Variants in AGO2 observed in about 807,000 individuals in gnomAD.
AGO2 encodes the protein protein argonaute-2.
A neutral mutation model predicts 102.3 loss-of-function variants in AGO2; 5 were observed. The observed-to-expected ratio is 0.05, with a 90% CI of 0.03 to 0.10. AGO2 has a LOEUF of 0.10. Among genes scored for constraint, AGO2 ranks in the 10% least tolerant of loss-of-function variants. The pLI, the probability that AGO2 is intolerant of heterozygous loss-of-function variation, is 1.00. For synonymous variants in AGO2, 449 were observed against 473.1 expected, an observed-to-expected ratio of 0.95 and a Z score of 0.66; for missense variants, 541 against 1,183.7, an observed-to-expected ratio of 0.46 and a Z score of 7.97.
At position 140,531,782 on chromosome 8, in the gene AGO2, C is replaced by T. The variant is rs2944776; in HGVS notation, c.*262G>A. On this transcript the variant is annotated 3_prime_UTR_variant, in exon 19 of 19. Transcript: ENST00000220592. ...GGTTTTAGGAGATTTTTAGGACACA[C>T]GGGACTCTGTTTTAATAAGCAGCTT... 23,431 of 355,184 alleles carry T rather than the reference C, an allele frequency of 0.066. 1,060 individuals are homozygous for T. Among genetic ancestry groups the T allele is most frequent in the African/African-American group, 0.15 (7,145 of 48,236 alleles). The allele number at this position is 355,184 out of a possible 1,614,324, so 22.0% of individuals were successfully genotyped here. A position where few individuals can be genotyped will look rare whatever the true frequency, so the allele number is the denominator to read the frequency against.
At chr8:140,614,730 C>A (rs967887268) in intron 1 of AGO2, among the ~76,000 whole-genome samples, 1 of 152,194 alleles carries the variant, frequency 6.6e-6, no homozygotes, top group Non-Finnish European at 1.5e-5. Context: ...GCTGCGTGAC[C>A]TGAACCCCTC....
intron 1 of AGO2, among the ~76,000 whole-genome samples, chr8:140,630,611 T>G (rs1200389530): frequency 6.6e-6 from 1 of 152,204 alleles, no homozygotes; most frequent in Non-Finnish European, 1.5e-5. Context: ...AGCACAGAGC[T>G]GGCCACAAAC....
chr8:140,566,990 G>A (rs1029359037), intron 3 of AGO2, among the ~76,000 whole-genome samples: 17 of 152,234 alleles, frequency 1.1e-4, no homozygotes, highest in Non-Finnish European at 1.9e-4. Context: ...CTTTAGGCCC[G>A]AGTACATCTG....
intron 1 of AGO2, among the ~76,000 whole-genome samples, chr8:140,624,568 C>A (rs548501956): frequency 6.6e-6 from 1 of 152,378 alleles, no homozygotes; most frequent in East Asian, 1.9e-4. Flanking sequence ...GAGCAGCCAG[C>A]GTCCCCAACT....
chr8:140,586,867 G>C (rs544405274), intron 1 of AGO2, among the ~76,000 whole-genome samples: 1 of 152,312 alleles, frequency 6.6e-6, no homozygotes, highest in African/African-American at 2.4e-5. Context: ...CTCGATTTCA[G>C]GGTCGGGCAC....
intron 8 of AGO2, 100 bp from the exon 9 acceptor site, chr8:140,556,386 C>T: frequency 6.7e-7 from 1 of 1,482,472 alleles, no homozygotes; most frequent in African/African-American, 1.4e-5. Context: ...CTGCTTGGGA[C>T]CGTCTCTGCC....
At chr8:140,546,049 C>T (rs2072894222) in intron 13 of AGO2, among the ~76,000 whole-genome samples, 1 of 152,244 alleles carries the variant, frequency 6.6e-6, no homozygotes, top group South Asian at 2.1e-4. Context: ...CGGCCCGGTG[C>T]TGCCCACTTA....
intron 1 of AGO2, among the ~76,000 whole-genome samples, chr8:140,627,230 G>A (rs1285175228): frequency 6.6e-6 from 1 of 152,216 alleles, no homozygotes; most frequent in Admixed American, 6.5e-5. Flanking sequence ...ACAGGGCAAA[G>A]CACCCTCGAG....
At chr8:140,578,821 G>T (rs1789580519) in intron 2 of AGO2, among the ~76,000 whole-genome samples, 1 of 152,246 alleles carries the variant, frequency 6.6e-6, no homozygotes, top group Admixed American at 6.5e-5. Context: ...CCCCGCACGG[G>T]GCCGGGGCCG....
At chr8:140,535,372 C>A (rs1350072078) in intron 17 of AGO2, 96 bp downstream of exon 17, 12 of 1,325,676 alleles carry the variant, frequency 9.1e-6, no homozygotes, top group Non-Finnish European at 1.2e-5. Context: ...CCTCACACCA[C>A]ATCCCACGTG....
At chr8:140,545,980 G>A (rs1471717453) in intron 13 of AGO2, among the ~76,000 whole-genome samples, 2 of 152,226 alleles carry the variant, frequency 1.3e-5, no homozygotes, top group Admixed American at 1.3e-4. Context: ...TCATGGCTCT[G>A]CTGTGCACCT....
chr8:140,572,679 T>G, intron 3 of AGO2, 133 bp downstream of exon 3: 1 of 1,270,080 alleles, frequency 7.9e-7, no homozygotes. Context: ...GGACGAAGCA[T>G]GTGGCAGTGA....
chr8:140,566,742 G>A (rs1588463879), intron 3 of AGO2, among the ~76,000 whole-genome samples: 3 of 152,120 alleles, frequency 2.0e-5, no homozygotes, highest in Admixed American at 6.6e-5. Context: ...TCTGACTCCA[G>A]AAAGGGAGAC....
intron 10 of AGO2, among the ~76,000 whole-genome samples, chr8:140,552,732 GCGCGCGCGCACACACACA>G (rs1564082186): frequency 8.3e-6 from 1 of 121,020 alleles, no homozygotes; most frequent in Non-Finnish European, 1.7e-5. Flanking sequence ...ACATGCACGC[GCGCGCGCGCACACACACA>G]CACACACACA....
Position 140,520,171 on chromosome 8 carries a change from T to G in AGO2, c.*11873A>C, listed in dbSNP as rs1233082654. ...AAGAGGCAGCTGTAAATAGGAGGACTTTTATTTAATTTTTTGCTGACATAC... is the reference window on the plus strand; with the variant it reads ...AAGAGGCAGCTGTAAATAGGAGGACGTTTATTTAATTTTTTGCTGACATAC... On this transcript the variant is annotated 3_prime_UTR_variant, in exon 19 of 19. Coordinates refer to ENST00000220592, the MANE Select transcript of AGO2 (RefSeq NM_012154.5). 1 of 152,178 alleles carries G rather than the reference T, an allele frequency of 6.6e-6. No homozygotes were observed. Among genetic ancestry groups the G allele is most frequent in the Admixed American group, 6.5e-5 (1 of 15,278 alleles). 9.4% of individuals were successfully genotyped at this position (152,178 alleles called of 1,614,324 possible).
At chr8:140,560,022 C>T (rs1564086711) in intron 5 of AGO2, among the ~76,000 whole-genome samples, 3 of 152,332 alleles carry the variant, frequency 2.0e-5, no homozygotes, top group Middle Eastern at 3.4e-3. Flanking sequence ...GGATGTCCTG[C>T]ACAGAGCAGC....
At chr8:140,607,471 T>C (rs1273071626) in intron 1 of AGO2, among the ~76,000 whole-genome samples, 1 of 8,650 alleles carries the variant, frequency 1.2e-4, no homozygotes, top group Non-Finnish European at 2.1e-4. Flanking sequence ...TATATATATA[T>C]ATATATATAT....
chr8:140,549,562 C>T (rs1478444886), intron 11 of AGO2, among the ~76,000 whole-genome samples: 1 of 152,264 alleles, frequency 6.6e-6, no homozygotes, highest in South Asian at 2.1e-4. Context: ...AACTTGCCAC[C>T]GTAACACAGC....
intron 2 of AGO2, among the ~76,000 whole-genome samples, chr8:140,575,057 G>T (rs917083610): frequency 2.6e-5 from 4 of 152,146 alleles, no homozygotes; most frequent in Non-Finnish European, 5.9e-5. Context: ...GCGGTCTGGG[G>T]AGTGCCCGTG....
Sources: allele counts gnomAD v4.1 joint callset (sites outside exome capture counted in the v4.1 genomes callset), GRCh38; gene constraint gnomAD v4.1.1; transcripts MANE v1.5; gene names NCBI Gene and HGNC (gene_info 2026-07-23, HGNC 2026-07-21).